GRIK2: variants seen among roughly 807,000 people sequenced by gnomAD.
GRIK2 encodes glutamate receptor ionotropic, kainate 2.
In GRIK2, 32 loss-of-function variants were observed where a neutral mutation model predicts 100.3. The observed-to-expected ratio is 0.32, with a 90% CI of 0.24 to 0.43. The LOEUF (loss-of-function observed/expected upper bound fraction) is 0.43. Ranked by LOEUF, GRIK2 falls within the 20% of genes least tolerant of loss-of-function variation. The probability of loss-of-function intolerance (pLI) is 1.00; values close to 1 mark genes in which losing one functional copy is unlikely to be tolerated. For synonymous variants in GRIK2, 417 were observed against 389.4 expected (o/e 1.07, Z -0.83); for missense variants, 843 against 1,114.9 (o/e 0.76, Z 3.47).
At chr6:101,676,583 A>G (rs779157403) in intron 4 of GRIK2, 40 bp from the exon 5 acceptor site, 1 of 1,182,598 alleles carries the variant, frequency 8.5e-7, no homozygotes, top group Non-Finnish European at 1.2e-6. Flanking sequence ...TCTATTTTTT[A>G]TCTCTAATAT....
At chr6:101,943,280 C>T (rs1791068557) in intron 14 of GRIK2, among the ~76,000 whole-genome samples, 1 of 152,240 alleles carries the variant, frequency 6.6e-6, no homozygotes, top group African/African-American at 2.4e-5. Flanking sequence ...AAACACCTGG[C>T]TGTCCAGGCA....
At chr6:101,602,972 T>C (rs1446407745) in intron 2 of GRIK2, among the ~76,000 whole-genome samples, 1 of 151,746 alleles carries the variant, frequency 6.6e-6, no homozygotes, top group East Asian at 1.9e-4. Context: ...TCTACTTTCT[T>C]ATAGCAGGGT....
At chr6:101,624,933 G>C (rs148238465) in intron 3 of GRIK2, among the ~76,000 whole-genome samples, 374 of 152,030 alleles carry the variant, frequency 2.5e-3, no homozygotes, top group Middle Eastern at 0.01. Flanking sequence ...GTTTGTTTTT[G>C]TTTTTCTTTT....
chr6:101,519,094 T>C (rs1019596377), intron 2 of GRIK2, among the ~76,000 whole-genome samples: 2 of 152,184 alleles, frequency 1.3e-5, no homozygotes, highest in African/African-American at 4.8e-5. Flanking sequence ...AAGCCTTGCC[T>C]CTGAACTAAG....
At chr6:101,793,852 G>A (rs1459919337) in intron 7 of GRIK2, among the ~76,000 whole-genome samples, 2 of 152,138 alleles carry the variant, frequency 1.3e-5, no homozygotes, top group Non-Finnish European at 2.9e-5. Context: ...TTGAGCTGTG[G>A]TGGGCTCCAC....
intron 7 of GRIK2, among the ~76,000 whole-genome samples, chr6:101,747,165 A>G (rs1311997181): frequency 6.6e-6 from 1 of 152,210 alleles, no homozygotes; most frequent in Non-Finnish European, 1.5e-5. Flanking sequence ...CCAGCTGCTC[A>G]GCATTTTTCC....
chr6:101,889,383 T>C (rs1301893005), intron 11 of GRIK2, among the ~76,000 whole-genome samples: 1 of 151,900 alleles, frequency 6.6e-6, no homozygotes, highest in Non-Finnish European at 1.5e-5. Context: ...TATGAAGTTT[T>C]TTTTTCTATA....
At chr6:101,707,610 A>G (rs747203093) in intron 7 of GRIK2, among the ~76,000 whole-genome samples, 14 of 140,108 alleles carry the variant, frequency 1.0e-4, no homozygotes, top group Non-Finnish European at 1.4e-4. Context: ...ATGTGTGTAT[A>G]TATATATATA....
chr6:101,734,520 C>G (rs999140690), intron 7 of GRIK2, among the ~76,000 whole-genome samples: 1 of 152,102 alleles, frequency 6.6e-6, no homozygotes, highest in Non-Finnish European at 1.5e-5. Context: ...AAGTGTTAAT[C>G]TCATATAAAG....
intron 16 of GRIK2, among the ~76,000 whole-genome samples, chr6:102,061,921 A>T (rs1771772741): frequency 6.6e-6 from 1 of 150,452 alleles, no homozygotes; most frequent in Admixed American, 6.6e-5. Context: ...CTCTTAAAAA[A>T]AATCGTATCA....
intron 7 of GRIK2, among the ~76,000 whole-genome samples, chr6:101,716,997 A>G (rs753587457): frequency 2.6e-5 from 4 of 151,804 alleles, no homozygotes; most frequent in Non-Finnish European, 5.9e-5. Context: ...CTCTCTAATT[A>G]CAAATACTTG....
intron 11 of GRIK2, among the ~76,000 whole-genome samples, chr6:101,887,726 GAGGGGGA>G (rs1190009467): frequency 2.0e-5 from 3 of 152,078 alleles, no homozygotes; most frequent in Non-Finnish European, 2.9e-5. Context: ...GAGCATGGGA[GAGGGGGA>G]AGGGGGAAGG....
chr6:101,854,656 T>A (rs917792481), intron 10 of GRIK2, among the ~76,000 whole-genome samples: 20 of 152,202 alleles, frequency 1.3e-4, no homozygotes, highest in African/African-American at 2.9e-4. Flanking sequence ...AGGATTTTTT[T>A]AATTAATTCC....
chr6:101,408,045 G>A (rs563466968), intron 2 of GRIK2, among the ~76,000 whole-genome samples: 8 of 152,082 alleles, frequency 5.3e-5, no homozygotes, highest in Non-Finnish European at 4.4e-5. Flanking sequence ...CACTGAAGGG[G>A]CATAGATAAG....
chr6:101,813,139 A>G (rs544618785), intron 9 of GRIK2, among the ~76,000 whole-genome samples: 4 of 151,914 alleles, frequency 2.6e-5, no homozygotes, highest in Non-Finnish European at 5.9e-5. Flanking sequence ...AAACATCCAC[A>G]TATACACACA....
chr6:101,939,807 T>C (rs1790847919), intron 14 of GRIK2, among the ~76,000 whole-genome samples: 1 of 152,096 alleles, frequency 6.6e-6, no homozygotes, highest in South Asian at 2.1e-4. Context: ...AACAAATAGA[T>C]ATAACTAAAC....
intron 2 of GRIK2, among the ~76,000 whole-genome samples, chr6:101,417,485 C>T (rs908197024): frequency 2.0e-5 from 3 of 152,246 alleles, no homozygotes; most frequent in South Asian, 2.1e-4. Context: ...TGCTCTGTGC[C>T]CTCCTAAACA....
chr6:102,047,169 C>A (rs1018970460), intron 15 of GRIK2, among the ~76,000 whole-genome samples: 4 of 151,968 alleles, frequency 2.6e-5, no homozygotes, highest in Non-Finnish European at 5.9e-5. Context: ...GAAGAACAAA[C>A]TAAACCCTAA....
At chr6:101,674,793 G>T (rs1382781429) in intron 4 of GRIK2, among the ~76,000 whole-genome samples, 1 of 152,146 alleles carries the variant, frequency 6.6e-6, no homozygotes, top group Non-Finnish European at 1.5e-5. Flanking sequence ...GAAGCTGTTA[G>T]GTGTAGAAGC....
Sources: allele counts gnomAD v4.1 joint callset (sites outside exome capture counted in the v4.1 genomes callset), GRCh38; gene constraint gnomAD v4.1.1; transcripts MANE v1.5; gene names NCBI Gene and HGNC (gene_info 2026-07-23, HGNC 2026-07-21).